Variants in ANXA6 observed in about 807,000 individuals in gnomAD.
The protein encoded by ANXA6 is 67 kDa calelectrin.
ANXA6 carries 71 observed loss-of-function variants against 95.4 expected under a neutral mutation model. The ratio of observed to expected loss-of-function variants is 0.74; its 90% CI spans 0.61 to 0.91. The LOEUF (loss-of-function observed/expected upper bound fraction) is 0.91. ANXA6 is among the 40% of genes least tolerant of loss of function. ANXA6 has a pLI of 0.00. For missense variants in ANXA6, 830 were observed against 876.4 expected (o/e 0.95, Z 0.67); for synonymous variants, 289 against 315.9 (o/e 0.91, Z 0.90).
intron 4 of ANXA6, 169 bp downstream of exon 4, chr5:151,139,184 T>G: frequency 1.7e-6 from 1 of 604,412 alleles, no homozygotes; most frequent in Non-Finnish European, 2.9e-6. Context: ...TGTGGGTGTA[T>G]TAAAGGCTGA....
chr5:151,121,903 C>G (rs562061200), intron 17 of ANXA6, among the ~76,000 whole-genome samples: 3 of 152,296 alleles, frequency 2.0e-5, no homozygotes, highest in Admixed American at 6.5e-5. Flanking sequence ...GAAGGGAGGA[C>G]AGCAGAGCCA....
At chr5:151,128,627 T>C (rs1765398840) in intron 12 of ANXA6, among the ~76,000 whole-genome samples, 1 of 152,086 alleles carries the variant, frequency 6.6e-6, no homozygotes, top group Non-Finnish European at 1.5e-5. Flanking sequence ...GGAAATGGGG[T>C]TCCATGAGCA....
At chr5:151,126,082 C>A (rs922304167) in intron 14 of ANXA6, among the ~76,000 whole-genome samples, 2 of 152,194 alleles carry the variant, frequency 1.3e-5, no homozygotes, top group Non-Finnish European at 2.9e-5. Context: ...CATCTGTTCT[C>A]AGCTTTCATG....
chr5:151,105,671 C>A (rs1044374958), intron 23 of ANXA6, among the ~76,000 whole-genome samples: 2 of 152,162 alleles, frequency 1.3e-5, no homozygotes. Flanking sequence ...TTAGGCTCCA[C>A]CCTAAAGATT....
At chr5:151,121,494 G>A (rs1765167675) in intron 17 of ANXA6, among the ~76,000 whole-genome samples, 1 of 152,192 alleles carries the variant, frequency 6.6e-6, no homozygotes, top group Non-Finnish European at 1.5e-5. Flanking sequence ...GTAGGGTCAG[G>A]TCTTCGGAGT....
chr5:151,101,330 A>ACCCCCCCCCCCCCCCCCCCCCCCCCG lies in ANXA6; in HGVS notation c.*117_*118insCGGGGGGGGGGGGGGGGGGGGGGGGG. ...CCACTGAAGATAAGAGCCCAACCCA[A>ACCCCCCCCCCCCCCCCCCCCCCCCCG]CCCCTCCCCCCACCCCTGCCCCTTC... On this transcript the variant is annotated 3_prime_UTR_variant, in exon 26 of 26. Transcript: ENST00000354546. 1 of 385,870 alleles carries ACCCCCCCCCCCCCCCCCCCCCCCCCG rather than the reference A, an allele frequency of 2.6e-6. No individual in the cohort carries two copies. The highest frequency in any genetic ancestry group is 5.2e-6 in the Non-Finnish European group (1 of 190,630). The allele number at this position is 385,870 out of a possible 1,614,324, so 23.9% of individuals were successfully genotyped here. A position where few individuals can be genotyped will look rare whatever the true frequency, so the allele number is the denominator to read the frequency against.
chr5:151,156,322 G>C (rs949883887), intron 1 of ANXA6, among the ~76,000 whole-genome samples: 3 of 152,200 alleles, frequency 2.0e-5, no homozygotes, highest in Non-Finnish European at 2.9e-5. Flanking sequence ...AAGCCTTAGA[G>C]AAAGGGCTTG....
chr5:151,136,466 G>C, intron 6 of ANXA6, 131 bp from the exon 7 acceptor site: 1 of 740,538 alleles, frequency 1.4e-6, no homozygotes, highest in East Asian at 2.7e-5. Flanking sequence ...GTCCATCATG[G>C]CAAGACCCAG....
chr5:151,139,160 CA>C, intron 4 of ANXA6, 192 bp downstream of exon 4: 1 of 596,258 alleles, frequency 1.7e-6, no homozygotes, highest in South Asian at 2.0e-5. Flanking sequence ...ACGAGCCCAG[CA>C]TACAGCAGGT....
Position 151,135,633 on chromosome 5 carries a change from C to A in ANXA6, c.489+623G>T, listed in dbSNP as rs17111780. On this transcript the variant is annotated intron_variant, in intron 7 of 25. Coordinates refer to ENST00000354546, the MANE Select transcript of ANXA6 (RefSeq NM_001155.5). ...CAGGTAGATAACATTCACGGTGAAACGGGCAGGACGCATATGCTCTCCAGC... is the reference window on the plus strand; with the variant it reads ...CAGGTAGATAACATTCACGGTGAAAAGGGCAGGACGCATATGCTCTCCAGC... Among the ~76,000 whole-genome samples, 718 of 152,288 alleles carry A rather than the reference C, an allele frequency of 4.7e-3. 8 individuals are homozygous for A. Among genetic ancestry groups the A allele is most frequent in the African/African-American group, 0.017 (687 of 41,552 alleles).
chr5:151,110,538 A>C, intron 21 of ANXA6, 89 bp downstream of exon 21: 1 of 1,453,994 alleles, frequency 6.9e-7, no homozygotes, highest in Middle Eastern at 1.7e-4. Context: ...AAGCTCCCAA[A>C]TCACTGCTCG....
intron 24 of ANXA6, among the ~76,000 whole-genome samples, 190 bp from the exon 25 acceptor site, chr5:151,103,882 G>A (rs1351888875): frequency 5.9e-5 from 9 of 152,292 alleles, no homozygotes; most frequent in Admixed American, 1.3e-4. Context: ...AGACTGACAC[G>A]CAAAAAAGAT....
At position 151,140,073 on chromosome 5, in the gene ANXA6, A is replaced by G. The variant is rs1021401517; in HGVS notation, c.109+80T>C. On this transcript the variant is annotated intron_variant, in intron 3 of 25. Coordinates refer to ENST00000354546, the MANE Select transcript of ANXA6 (RefSeq NM_001155.5). ...TGCACTTCACCATTTCACAGACCCT[A>G]CCACCACCACCAGAAGGGCTCTGGG... The G allele has an allele frequency of 2.9e-5, 37 of 1,273,148 alleles. 1 individual carries two copies. The African/African-American group carries it at 5.0e-4, about 17-fold the overall frequency. The allele number at this position is 1,273,148 out of a possible 1,614,324, so 78.9% of individuals were successfully genotyped here. A position where few individuals can be genotyped will look rare whatever the true frequency, so the allele number is the denominator to read the frequency against.
chr5:151,153,647 ATT>A (rs1254948402), intron 1 of ANXA6, among the ~76,000 whole-genome samples: 2 of 152,232 alleles, frequency 1.3e-5, no homozygotes, highest in Non-Finnish European at 2.9e-5. Flanking sequence ...TCTTTGAGTG[ATT>A]TTACAGGTCA....
At chr5:151,121,883 A>G (rs1561572831) in intron 17 of ANXA6, among the ~76,000 whole-genome samples, 1 of 152,206 alleles carries the variant, frequency 6.6e-6, no homozygotes, top group Non-Finnish European at 1.5e-5. Flanking sequence ...GCTGCCTGAG[A>G]GTGAAGCCAG....
chr5:151,134,816 T>G (rs1391340046), intron 7 of ANXA6, among the ~76,000 whole-genome samples: 1 of 151,868 alleles, frequency 6.6e-6, no homozygotes, highest in Non-Finnish European at 1.5e-5. Flanking sequence ...TTCTCGAGGG[T>G]CCCTGCCACA....
chr5:151,152,201 C>T (rs76517655), intron 1 of ANXA6, among the ~76,000 whole-genome samples: 4,694 of 152,238 alleles, frequency 0.031, 249 homozygotes, highest in African/African-American at 0.11. Flanking sequence ...TTTCCACATC[C>T]GCAAAATGCA....
At chr5:151,122,846 T>C in intron 16 of ANXA6, 71 bp downstream of exon 16, 3 of 1,398,838 alleles carry the variant, frequency 2.1e-6, no homozygotes, top group Non-Finnish European at 3.0e-6. Context: ...GCAGAACCGA[T>C]GGGGACAGGC....
At chr5:151,121,923 T>A (rs1364302458) in intron 17 of ANXA6, among the ~76,000 whole-genome samples, 1 of 152,080 alleles carries the variant, frequency 6.6e-6, no homozygotes, top group Admixed American at 6.5e-5. Flanking sequence ...AAGACAGGGG[T>A]GAGCCAAGGG....
Sources: gnomAD v4.1 joint callset for allele counts (sites outside exome capture counted in the v4.1 genomes callset) on GRCh38, gnomAD v4.1.1 for gene constraint, MANE v1.5 for transcripts, NCBI Gene and HGNC (gene_info 2026-07-23, HGNC 2026-07-21) for gene names.